Variants in CCDC88C observed in about 807,000 individuals in gnomAD.
CCDC88C encodes protein Daple.
Under a neutral mutation model 198.8 loss-of-function variants are expected in CCDC88C, and 131 were observed. That is an observed-to-expected ratio of 0.66 (90% CI 0.57 to 0.76). The LOEUF (loss-of-function observed/expected upper bound fraction) is 0.76, where lower values mean the gene tolerates loss of function less well. Among genes scored for constraint, CCDC88C ranks in the 30% least tolerant of loss-of-function variants. The pLI is 0.00. For synonymous variants in CCDC88C, 1,166 were observed against 1,114.7 expected, an observed-to-expected ratio of 1.05 and a Z score of -0.92; for missense variants, 2,553 against 2,631.6, an observed-to-expected ratio of 0.97 and a Z score of 0.65.
At chr14:91,274,821 A>G (rs2139712704) in intron 29 of CCDC88C, among the ~76,000 whole-genome samples, 1 of 152,348 alleles carries the variant, frequency 6.6e-6, no homozygotes, top group African/African-American at 2.4e-5. Context: ...ATCAAGGTAA[A>G]GAAACAGGTC....
chr14:91,317,587 A>G (rs1054029665), intron 13 of CCDC88C, among the ~76,000 whole-genome samples: 21 of 152,208 alleles, frequency 1.4e-4, no homozygotes, highest in Non-Finnish European at 4.4e-5. Context: ...GAGTGAAGGG[A>G]GAACCACCCT....
At chr14:91,315,500 G>GA in intron 14 of CCDC88C, 150 bp downstream of exon 14, 1 of 892,410 alleles carries the variant, frequency 1.1e-6, no homozygotes, top group Non-Finnish European at 1.6e-6. Context: ...CGCCAGTTGG[G>GA]AAATTGAGAA....
chr14:91,293,416 C>G lies in CCDC88C; in HGVS notation c.4112+757G>C, dbSNP rs1195547206. On this transcript the variant is annotated intron_variant, in intron 23 of 29. Coordinates refer to ENST00000389857, the MANE Select transcript of CCDC88C (RefSeq NM_001080414.4). ...ACAGCCCACCTTCCTGCCCCCTCAC[C>G]TGCCACGGCCCACCTTCCCGTCCTC... is the stretch of plus-strand genomic sequence containing the variant. Among the ~76,000 whole-genome samples, 10 of 134,314 alleles carry G rather than the reference C, an allele frequency of 7.4e-5. 3 individuals are homozygous for G. The highest frequency in any genetic ancestry group is 8.5e-5 in the African/African-American group (3 of 35,138). The allele number at this position is 134,314 out of a possible 152,430, so 88.1% of individuals were successfully genotyped here.
chr14:91,348,713 G>A (rs1047229945), intron 4 of CCDC88C, among the ~76,000 whole-genome samples: 2 of 152,144 alleles, frequency 1.3e-5, no homozygotes, highest in South Asian at 4.1e-4. Flanking sequence ...GTAACAGGAG[G>A]GAAAAAGGCT....
At chr14:91,327,557 C>T (rs1200860436) in intron 10 of CCDC88C, among the ~76,000 whole-genome samples, 1 of 152,206 alleles carries the variant, frequency 6.6e-6, no homozygotes, top group African/African-American at 2.4e-5. Context: ...CTCAAAGCCA[C>T]GAACCTAGTG....
chr14:91,404,801 A>G (rs1255106643), intron 3 of CCDC88C, among the ~76,000 whole-genome samples: 1 of 152,002 alleles, frequency 6.6e-6, no homozygotes, highest in African/African-American at 2.4e-5. Context: ...GTCTCTACTA[A>G]AAATACAAAA....
In CCDC88C at chr14:91,339,740, G is replaced by C; in HGVS notation, c.624+144C>G. ...GAGGTGACCATGCACTGCAGGGGCC[G>C]TAACCAGGGAAAGCACGCACGTCCC... On this transcript the variant is annotated intron_variant, in intron 7 of 29. Coordinates refer to ENST00000389857, the MANE Select transcript of CCDC88C (RefSeq NM_001080414.4). This position sits in a 1 kb window ranked among gnomAD's most constrained non-coding sequence, Gnocchi z 5.8. 9.2e-7 allele frequency: 1 copy of C among 1,084,820 alleles called. No homozygotes were observed. The highest frequency in any genetic ancestry group is 1.3e-6 in the Non-Finnish European group (1 of 778,690). 67.2% of individuals were successfully genotyped at this position (1,084,820 alleles called of 1,614,324 possible). A position where few individuals can be genotyped will look rare whatever the true frequency, so the allele number is the denominator to read the frequency against.
intron 29 of CCDC88C, among the ~76,000 whole-genome samples, chr14:91,276,565 G>C (rs1052283080): frequency 6.6e-6 from 1 of 152,246 alleles, no homozygotes; most frequent in South Asian, 2.1e-4. Flanking sequence ...AAGACTGCAG[G>C]TGCTCAATAA....
At position 91,339,454 on chromosome 14, in the gene CCDC88C, C is replaced by T. The variant is rs1295916646; in HGVS notation, c.633G>A (p.Val211=). 1.2e-6 allele frequency: 2 copies of T among 1,603,792 alleles called. No homozygotes were observed. Among genetic ancestry groups the T allele is most frequent in the Non-Finnish European group, 1.7e-6 (2 of 1,171,794 alleles). The change falls in exon 8 of 30, where the codon GTG becomes GTA. Residue 211 remains valine, a synonymous_variant. Transcript: ENST00000389857. The surrounding 1 kb of genome is among the most constrained non-coding windows in gnomAD (Gnocchi z 5.8). ...GGTAGTCCCGTTCCTGAGTGAGGTC[C>T]ACGATCAGCTGCAGCCGGGCAGAGA... ...DQRDECTELI[V]DLTQERDYLQ...
intron 21 of CCDC88C, among the ~76,000 whole-genome samples, chr14:91,299,211 AACTCAT>A (rs769424840): frequency 5.4e-4 from 83 of 152,334 alleles, no homozygotes; most frequent in Non-Finnish European, 1.1e-3. Flanking sequence ...ACAGCACTAT[AACTCAT>A]GCCTGAACAA....
intron 10 of CCDC88C, among the ~76,000 whole-genome samples, chr14:91,332,385 ATTTTG>A (rs2139845468): frequency 6.6e-6 from 1 of 152,256 alleles, no homozygotes; most frequent in South Asian, 2.1e-4. Context: ...TCTGCTACTC[ATTTTG>A]TTTTTTCACC....
Position 91,409,010 on chromosome 14 carries a change from G to A in CCDC88C, c.162-243C>T, listed in dbSNP as rs139477403. On this transcript the variant is annotated intron_variant, in intron 2 of 29. Transcript: ENST00000389857. The stretch of plus-strand genomic sequence containing the variant: ...CCACCGCAGGCCCTCAGTCAGTGCT[G>A]TTTCCATTCCCACCGTTCCTAGCAC... Among the ~76,000 whole-genome samples the A allele has an allele frequency of 2.0e-3, 310 of 152,222 alleles. 2 individuals carry two copies. The highest frequency in any genetic ancestry group is 0.014 in the Middle Eastern group (4 of 294).
At position 91,286,251 on chromosome 14, in the gene CCDC88C, C is replaced by T. The variant is rs868681687; in HGVS notation, c.4442-2734G>A. Among the ~76,000 whole-genome samples, 8 of 152,322 alleles carry T rather than the reference C, an allele frequency of 5.3e-5. No homozygotes were observed. In the South Asian group the frequency reaches 1.7e-3, roughly 32 times the overall value. On this transcript the variant is annotated intron_variant, in intron 25 of 29. Coordinates refer to ENST00000389857, the MANE Select transcript of CCDC88C (RefSeq NM_001080414.4). The stretch of plus-strand genomic sequence containing the variant: ...AACAGCTCAGCTCACACAATCCTCC[C>T]GTTCCCACTCAAAGACCTTGGGAAC...
chr14:91,417,231 C>G, intron 1 of CCDC88C: 2 of 701,284 alleles, frequency 2.9e-6, no homozygotes, highest in Non-Finnish European at 5.2e-6. Context: ...CGGCTGGTCT[C>G]AGGGATTCAG....
Position 91,283,424 on chromosome 14 carries a change from G to A in CCDC88C, c.4535C>T (p.Pro1512Leu). The change falls in exon 26 of 30, where the codon CCC becomes CTC. Residue 1512 changes from proline to leucine, a missense_variant. This residue lies in a region of CCDC88C where 1,293 missense variants were observed against 1,219.6 expected (regional missense o/e 1.06). Coordinates refer to ENST00000389857, the MANE Select transcript of CCDC88C (RefSeq NM_001080414.4). ...GCAAGTCCGGGAGCCCAGCTCCGAG[G>A]GCCAGGACCTCATGGCCAGATCGGT... is the stretch of plus-strand genomic sequence containing the variant. The part of the protein sequence containing the change: ...ASTDLAMRSW[P>L]SELGSRTCST... 6.2e-7 allele frequency: 1 copy of A among 1,613,682 alleles called. No individual in the cohort carries two copies. Among genetic ancestry groups the A allele is most frequent in the South Asian group, 1.1e-5 (1 of 90,962 alleles).
chr14:91,325,785 G>T lies in CCDC88C; in HGVS notation c.1197+125C>A. 2 of 932,722 alleles carry T rather than the reference G, an allele frequency of 2.1e-6. No homozygotes were observed. The highest frequency in any genetic ancestry group is 3.2e-6 in the Non-Finnish European group (2 of 633,150). The allele number at this position is 932,722 out of a possible 1,614,324, so 57.8% of individuals were successfully genotyped here. A position where few individuals can be genotyped will look rare whatever the true frequency, so the allele number is the denominator to read the frequency against. Reference sequence around the variant, plus strand: ...GATGGGGCCTCGCTAGGTTGCCAGGGTTAGAACTCCTGCGCTCAAGGGATC... The same window carrying T: ...GATGGGGCCTCGCTAGGTTGCCAGGTTTAGAACTCCTGCGCTCAAGGGATC... On this transcript the variant is annotated intron_variant, in intron 11 of 29. Transcript: ENST00000389857. This position sits in a 1 kb window ranked among gnomAD's most constrained non-coding sequence, Gnocchi z 4.1.
chr14:91,310,109 G>A (rs1353704248), intron 15 of CCDC88C, 123 bp from the exon 16 acceptor site: 18 of 977,100 alleles, frequency 1.8e-5, no homozygotes, highest in Middle Eastern at 2.3e-4. Flanking sequence ...CGTGTGGAGC[G>A]AGGGGACTCT....
chr14:91,315,538 G>C lies in CCDC88C; in HGVS notation c.1665+112C>G, dbSNP rs1190376159. 4.2e-6 allele frequency: 5 copies of C among 1,188,946 alleles called. No homozygotes were observed. In the Admixed American group the frequency reaches 1.2e-4, roughly 29 times the overall value. 73.6% of individuals were successfully genotyped at this position (1,188,946 alleles called of 1,614,324 possible). A position where few individuals can be genotyped will look rare whatever the true frequency, so the allele number is the denominator to read the frequency against. The stretch of plus-strand genomic sequence containing the variant: ...GCTGATTTAAGCTGTGGCTAAGCTA[G>C]GTAACGGATAATCCATGCATCCACA... On this transcript the variant is annotated intron_variant, in intron 14 of 29. Transcript: ENST00000389857.
chr14:91,303,641 G>C, intron 20 of CCDC88C, 60 bp downstream of exon 20: 1 of 1,476,900 alleles, frequency 6.8e-7, no homozygotes, highest in Admixed American at 2.2e-5. Context: ...TTCCCCCTGG[G>C]CCCAGCCTCT....
Sources: allele counts gnomAD v4.1 joint callset (sites outside exome capture counted in the v4.1 genomes callset), GRCh38; gene constraint gnomAD v4.1.1; regional missense constraint gnomAD v4.1.1; non-coding constraint Gnocchi (gnomAD v3.1); transcripts MANE v1.5; gene names NCBI Gene and HGNC (gene_info 2026-07-23, HGNC 2026-07-21).